ZNF106: variants seen among roughly 807,000 people sequenced by gnomAD.
ZNF106 encodes zinc finger protein 106, also known as SH3-domain binding protein 3.
Under a neutral mutation model 195.1 loss-of-function variants are expected in ZNF106, and 67 were observed. The observed-to-expected ratio is 0.34, with a 90% CI of 0.28 to 0.42. The LOEUF (loss-of-function observed/expected upper bound fraction) is 0.42. Among genes scored for constraint, ZNF106 ranks in the 10% least tolerant of loss-of-function variants. The probability of loss-of-function intolerance (pLI) is 1.00; values close to 1 mark genes in which losing one functional copy is unlikely to be tolerated. For synonymous variants in ZNF106, 784 were observed against 818.6 expected, an observed-to-expected ratio of 0.96 and a Z score of 0.72; for missense variants, 2,118 against 2,304.5, an observed-to-expected ratio of 0.92 and a Z score of 1.66.
intron 1 of ZNF106, among the ~76,000 whole-genome samples, chr15:42,484,738 A>AAAAC (rs61486447): frequency 0.32 from 48,412 of 151,304 alleles, 9,670 homozygotes; most frequent in African/African-American, 0.57. Flanking sequence ...ACTCTGTCTC[A>AAAAC]AAACAAACAC....
rs1399949102 is a variant in ZNF106 at position 42,413,295 on chromosome 15, T to C, written c.*4009A>G. The C allele has an allele frequency of 1.3e-5, 2 of 152,194 alleles. No homozygotes were observed. The highest frequency in any genetic ancestry group is 2.4e-5 in the African/African-American group (1 of 41,430). 9.4% of individuals were successfully genotyped at this position (152,194 alleles called of 1,614,324 possible). ...TATCCCAAATCACCTCCACCACAAC[T>C]TCTATTCCTGTCTATTAGACCACTT... On this transcript the variant is annotated 3_prime_UTR_variant, in exon 22 of 22. Coordinates refer to ENST00000564754, the MANE Select transcript of ZNF106 (RefSeq NM_001366845.3).
Position 42,415,596 on chromosome 15 carries a change from A to G in ZNF106, c.*1708T>C. 9.6e-6 allele frequency: 4 copies of G among 415,856 alleles called. No individual in the cohort carries two copies. The highest frequency in any genetic ancestry group is 7.1e-5 in the South Asian group (4 of 56,472). 25.8% of individuals were successfully genotyped at this position (415,856 alleles called of 1,614,324 possible). On this transcript the variant is annotated 3_prime_UTR_variant, in exon 22 of 22. Transcript: ENST00000564754. ...CCTGCCCGATAGCCTGAGGGAAGAC[A>G]TGTGAGTGGATATATGTGCACTAAC... is the stretch of plus-strand genomic sequence containing the variant.
intron 4 of ZNF106, among the ~76,000 whole-genome samples, chr15:42,456,527 C>T (rs145558898): frequency 0.017 from 2,587 of 152,032 alleles, 36 homozygotes; most frequent in Middle Eastern, 0.061. Context: ...TGGCAGGCAT[C>T]TGTAATCCCA....
At position 42,415,503 on chromosome 15, in the gene ZNF106, TCA is replaced by T. The variant is rs554162476; in HGVS notation, c.*1799_*1800del. On this transcript the variant is annotated 3_prime_UTR_variant, in exon 22 of 22. Transcript: ENST00000564754. Reference sequence around the variant, plus strand: ...TGGAAAAAAGAACACATACTCAGTCTCACACACAATTTCTGGGGGCTCACAGA... The same window carrying T: ...TGGAAAAAAGAACACATACTCAGTCTCACACAATTTCTGGGGGCTCACAGA... The T allele has an allele frequency of 2.4e-4, 111 of 455,152 alleles. 1 individual carries two copies. Among genetic ancestry groups the T allele is most frequent in the South Asian group, 1.3e-3 (81 of 64,404 alleles). The allele number at this position is 455,152 out of a possible 1,614,324, so 28.2% of individuals were successfully genotyped here.
chr15:42,443,662 C>G (rs2055640150), intron 9 of ZNF106, among the ~76,000 whole-genome samples: 2 of 151,558 alleles, frequency 1.3e-5, no homozygotes, highest in African/African-American at 4.9e-5. Flanking sequence ...CCCAGGAGGT[C>G]AAGGCTGCAG....
At position 42,449,911 on chromosome 15, in the gene ZNF106, T is replaced by C. The variant is rs748557462; in HGVS notation, c.2361A>G (p.Arg787=). The C allele has an allele frequency of 6.2e-7, 1 of 1,614,176 alleles. No homozygotes were observed. Among genetic ancestry groups the C allele is most frequent in the Non-Finnish European group, 8.5e-7 (1 of 1,180,026 alleles). Residue 787 remains arginine (R), a synonymous_variant, in exon 5 of 22, where the codon CGA becomes CGG. Transcript: ENST00000564754. ...CAGACTCCTTCTCTGTCTCACTCTT[T>C]CGGTGACCGCTAATATTGCGAATGC... The part of the protein sequence containing the change: ...ARRIRNISGH[R]KSETEKESGL...
At chr15:42,443,494 T>C (rs2055633426) in intron 9 of ZNF106, among the ~76,000 whole-genome samples, 2 of 151,978 alleles carry the variant, frequency 1.3e-5, no homozygotes, top group Admixed American at 1.3e-4. Flanking sequence ...TTTTTATAAC[T>C]TTTTATAATT....
At chr15:42,440,998 A>AAAAAATATATATATATATAT (rs1567009198) in intron 10 of ZNF106, among the ~76,000 whole-genome samples, 1 of 23,578 alleles carries the variant, frequency 4.2e-5, no homozygotes, top group African/African-American at 2.5e-4. Flanking sequence ...AAAAAAAAAA[A>AAAAAATATATATATATATAT]ATATATATAT....
At position 42,417,190 on chromosome 15, in the gene ZNF106, G is replaced by A. The variant is rs892008953; in HGVS notation, c.*114C>T. 7.8e-6 allele frequency: 9 copies of A among 1,153,006 alleles called. No homozygotes were observed. The African/African-American group carries it at 1.4e-4, about 18-fold the overall frequency. 71.4% of individuals were successfully genotyped at this position (1,153,006 alleles called of 1,614,324 possible). ...CTTATGCTAGGGGTATGCCTGGCTA[G>A]TAACCACTTTCTCCTTCCTTACTTC... On this transcript the variant is annotated 3_prime_UTR_variant, in exon 22 of 22. Coordinates refer to ENST00000564754, the MANE Select transcript of ZNF106 (RefSeq NM_001366845.3).
At position 42,413,864 on chromosome 15, in the gene ZNF106, A is replaced by C. The variant is rs1425112405; in HGVS notation, c.*3440T>G. On this transcript the variant is annotated 3_prime_UTR_variant, in exon 22 of 22. Transcript: ENST00000564754. ...CCTTTGCTGTTAGAGTTTTGTTTGC[A>C]TGGTGTGGAACTGCTTTATAAACTG... is the stretch of plus-strand genomic sequence containing the variant. 1 of 152,244 alleles carries C rather than the reference A, an allele frequency of 6.6e-6. No individual in the cohort carries two copies. Among genetic ancestry groups the C allele is most frequent in the African/African-American group, 2.4e-5 (1 of 41,454 alleles). 9.4% of individuals were successfully genotyped at this position (152,244 alleles called of 1,614,324 possible). A position where few individuals can be genotyped will look rare whatever the true frequency, so the allele number is the denominator to read the frequency against.
rs149767675 is a variant in ZNF106, at chr15:42,451,720, G to A, written c.552C>T (p.Ser184=). ...CTCCTGCAACACCCTTATGCCACCC[G>A]GAACGTCCTCTTGGTCCACCACCAT... ...LRNGGGPRGR[S]GWHKGVAGGS... is the part of the protein sequence containing the mutation. The change falls in exon 5 of 22, where the codon TCC becomes TCT. Residue 184 remains serine (S), a synonymous_variant. Transcript: ENST00000564754. The A allele has an allele frequency of 7.9e-5, 127 of 1,614,052 alleles. No individual in the cohort carries two copies. Among genetic ancestry groups the A allele is most frequent in the Middle Eastern group, 1.6e-4 (1 of 6,084 alleles).
At chr15:42,477,856 C>T (rs2056816160) in intron 1 of ZNF106, among the ~76,000 whole-genome samples, 1 of 151,786 alleles carries the variant, frequency 6.6e-6, no homozygotes, top group African/African-American at 2.4e-5. Context: ...GGCCACTGCA[C>T]TCCAGCCTGA....
intron 1 of ZNF106, among the ~76,000 whole-genome samples, chr15:42,476,707 T>G (rs1465689532): frequency 1.3e-5 from 2 of 152,080 alleles, no homozygotes; most frequent in African/African-American, 4.8e-5. Flanking sequence ...GTCTTCACAC[T>G]GAGTACACCG....
chr15:42,457,515 A>G (rs1233116745), intron 3 of ZNF106: 1 of 1,130,868 alleles, frequency 8.8e-7, no homozygotes. Context: ...GAGCACACCC[A>G]TGGTGCCAGC....
chr15:42,479,221 A>G (rs1458413045), intron 1 of ZNF106, among the ~76,000 whole-genome samples: 1 of 151,936 alleles, frequency 6.6e-6, no homozygotes, highest in Non-Finnish European at 1.5e-5. Flanking sequence ...TAAAAACACA[A>G]AAATTAGCTG....
rs527578071 is a variant in ZNF106 at position 42,434,386 on chromosome 15, T to C, written c.4881+998A>G. Among the ~76,000 whole-genome samples, 17 of 152,342 alleles carry C rather than the reference T, an allele frequency of 1.1e-4. No individual in the cohort carries two copies. In the South Asian group the frequency reaches 2.9e-3, roughly 26 times the overall value. ...GGAGTGGGGACCAGTAATATGTGTT[T>C]TAACAAGCTGTCCAGGTCACTGTGA... On this transcript the variant is annotated intron_variant, in intron 14 of 21. Coordinates refer to ENST00000564754, the MANE Select transcript of ZNF106 (RefSeq NM_001366845.3).
intron 1 of ZNF106, among the ~76,000 whole-genome samples, chr15:42,483,966 T>C (rs1055259320): frequency 2.0e-5 from 3 of 152,220 alleles, no homozygotes; most frequent in African/African-American, 7.2e-5. Context: ...TCTGAAACCC[T>C]ATCTCTTCTT....
chr15:42,489,056 C>A (rs181464779), intron 1 of ZNF106, among the ~76,000 whole-genome samples: 1 of 142,572 alleles, frequency 7.0e-6, no homozygotes, highest in African/African-American at 2.6e-5. Flanking sequence ...CCAGCCTGGG[C>A]GACAAAGCAA....
rs751676074 is a variant in ZNF106, at chr15:42,450,460, A to T, written c.1812T>A (p.Phe604Leu). The T allele has an allele frequency of 1.2e-6, 2 of 1,614,158 alleles. No homozygotes were observed. Among genetic ancestry groups the T allele is most frequent in the Non-Finnish European group, 1.7e-6 (2 of 1,180,042 alleles). The change falls in exon 5 of 22, where the codon TTT (phenylalanine) becomes TTA (leucine). Residue 604 changes from phenylalanine (F) to leucine (L), a missense_variant. Physicochemically the swap from Phe to Leu is conservative, Grantham distance 22. Coordinates refer to ENST00000564754, the MANE Select transcript of ZNF106 (RefSeq NM_001366845.3). ...ESEKGSLKIE[F>L]QVHALEDESD... ...TTTCATCTTCTAGTGCGTGCACTTG[A>T]AACTCAATTTTCAAAGACCCTTTTT... is the stretch of plus-strand genomic sequence containing the variant.
Sources: allele counts gnomAD v4.1 joint callset (sites outside exome capture counted in the v4.1 genomes callset), GRCh38; gene constraint gnomAD v4.1.1; transcripts MANE v1.5; gene names NCBI Gene and HGNC (gene_info 2026-07-23, HGNC 2026-07-21).